The following TRAPPC8 variants were observed in gnomAD, a reference collection of about 807,000 sequenced individuals.
The protein encoded by TRAPPC8 is general sporulation gene 1 homolog.
Under a neutral mutation model 174.3 loss-of-function variants are expected in TRAPPC8, and 54 were observed. That is an observed-to-expected ratio of 0.31 (90% CI 0.25 to 0.39). The LOEUF is 0.39. TRAPPC8 is among the 10% of genes least tolerant of loss of function. The pLI, the probability that TRAPPC8 is intolerant of heterozygous loss-of-function variation, is 1.00. For synonymous variants in TRAPPC8, 630 were observed against 579.9 expected, an observed-to-expected ratio of 1.09 and a Z score of -1.24; for missense variants, 1,531 against 1,699.1, an observed-to-expected ratio of 0.90 and a Z score of 1.74.
At chr18:31,907,979 T>C (rs2036736462) in intron 8 of TRAPPC8, among the ~76,000 whole-genome samples, 1 of 152,230 alleles carries the variant, frequency 6.6e-6, no homozygotes, top group Non-Finnish European at 1.5e-5. Context: ...GCAAAATTTA[T>C]TAAATGTGTC....
chr18:31,913,307 A>G, intron 5 of TRAPPC8, 62 bp downstream of exon 5: 2 of 1,506,164 alleles, frequency 1.3e-6, no homozygotes, highest in Non-Finnish European at 1.8e-6. Flanking sequence ...TACTAGTTAA[A>G]CCAAAACGTA....
rs867106179 is a variant in TRAPPC8, at chr18:31,867,436, G to A, written c.2429C>T (p.Ser810Leu). 20 of 1,609,622 alleles carry A rather than the reference G, an allele frequency of 1.2e-5. No individual in the cohort carries two copies. The Middle Eastern group carries it at 2.2e-3, about 173-fold the overall frequency. The change falls in exon 17 of 29, where the codon TCA becomes TTA. Residue 810 changes from serine (S) to leucine (L), a missense_variant. Transcript: ENST00000283351. ...TTCTTCGCCATTAATTAAGAACTCT[G>A]AAATAACTTCAGCTCCAATCATTTC... ...EPEMIGAEVISEFLINGEESK... is the reference protein window; with the variant it reads ...EPEMIGAEVILEFLINGEESK...
intron 2 of TRAPPC8, among the ~76,000 whole-genome samples, chr18:31,920,413 T>C (rs1261353460): frequency 1.3e-5 from 2 of 152,224 alleles, no homozygotes; most frequent in African/African-American, 2.4e-5. Flanking sequence ...CTCATGAGAA[T>C]GACCCATATA....
intron 22 of TRAPPC8, chr18:31,852,875 A>T (rs1197219813): frequency 7.6e-6 from 4 of 522,990 alleles, no homozygotes; most frequent in Non-Finnish European, 1.0e-5. Context: ...ATGTGTGCAC[A>T]TGTATATATA....
intron 11 of TRAPPC8, among the ~76,000 whole-genome samples, chr18:31,894,471 A>G (rs2036102618): frequency 6.6e-6 from 1 of 151,416 alleles, no homozygotes; most frequent in African/African-American, 2.5e-5. Context: ...ATAAGAAACT[A>G]AGAAAAAAAA....
intron 12 of TRAPPC8, among the ~76,000 whole-genome samples, chr18:31,878,989 T>C (rs2035294056): frequency 6.6e-6 from 1 of 152,100 alleles, no homozygotes; most frequent in Non-Finnish European, 1.5e-5. Flanking sequence ...CAAATACTAC[T>C]AGACTGAAGA....
At chr18:31,928,236 C>G (rs1038568473) in intron 2 of TRAPPC8, among the ~76,000 whole-genome samples, 2 of 151,366 alleles carry the variant, frequency 1.3e-5, no homozygotes, top group Admixed American at 6.6e-5. Flanking sequence ...CAGTGGCTCA[C>G]AACTGTAATC....
intron 5 of TRAPPC8, among the ~76,000 whole-genome samples, chr18:31,912,978 A>T (rs1433540122): frequency 3.3e-5 from 5 of 151,878 alleles, no homozygotes; most frequent in Admixed American, 3.3e-4. Flanking sequence ...AAATACAAAA[A>T]TTTGCCTGGC....
chr18:31,850,118 A>C (rs1213969886), intron 24 of TRAPPC8, among the ~76,000 whole-genome samples: 1 of 152,064 alleles, frequency 6.6e-6, no homozygotes, highest in Non-Finnish European at 1.5e-5. Context: ...CTCCCGCCTA[A>C]TTTTTGTAGA....
intron 22 of TRAPPC8, chr18:31,852,928 T>G: frequency 2.6e-6 from 1 of 381,348 alleles, no homozygotes; most frequent in Non-Finnish European, 4.8e-6. Context: ...AACAGTAAGT[T>G]TGAAAGATCA....
At chr18:31,885,580 C>T (rs1185813558) in intron 12 of TRAPPC8, among the ~76,000 whole-genome samples, 4 of 151,756 alleles carry the variant, frequency 2.6e-5, no homozygotes, top group African/African-American at 4.8e-5. Flanking sequence ...AAATATGGGC[C>T]GGGCACGGTG....
chr18:31,902,441 C>G (rs572586064), intron 9 of TRAPPC8, among the ~76,000 whole-genome samples: 9 of 152,314 alleles, frequency 5.9e-5, no homozygotes, highest in Non-Finnish European at 1.3e-4. Context: ...CATCTTACCC[C>G]CAGTGTTCTC....
chr18:31,880,122 T>TATATATATATG (rs1491572903), intron 12 of TRAPPC8, among the ~76,000 whole-genome samples: 4 of 65,922 alleles, frequency 6.1e-5, no homozygotes, highest in Non-Finnish European at 1.2e-4. Context: ...TATATATATA[T>TATATATATATG]TTTTTTTTTT....
At chr18:31,878,827 C>T (rs1328596592) in intron 12 of TRAPPC8, among the ~76,000 whole-genome samples, 1 of 151,890 alleles carries the variant, frequency 6.6e-6, no homozygotes, top group Non-Finnish European at 1.5e-5. Context: ...GGTTGTTATT[C>T]TTGTTATCAA....
intron 9 of TRAPPC8, among the ~76,000 whole-genome samples, chr18:31,902,364 G>A (rs1356462048): frequency 6.6e-6 from 1 of 152,058 alleles, no homozygotes; most frequent in African/African-American, 2.4e-5. Context: ...CAACAACAAA[G>A]TATGCTGACC....
chr18:31,845,827 T>C (rs1313681011), intron 26 of TRAPPC8, among the ~76,000 whole-genome samples: 1 of 152,178 alleles, frequency 6.6e-6, no homozygotes, highest in East Asian at 1.9e-4. Context: ...AATTAAGATC[T>C]GTTATTTAAA....
intron 4 of TRAPPC8, among the ~76,000 whole-genome samples, chr18:31,914,159 AC>A (rs377150345): frequency 1.3e-5 from 2 of 149,874 alleles, no homozygotes; most frequent in Admixed American, 6.6e-5. Flanking sequence ...AGGAGGAAAA[AC>A]AAGAAAAAAA....
chr18:31,858,058 CTTT>C (rs34631623), intron 19 of TRAPPC8, 76 bp from the exon 20 acceptor site: 649 of 974,804 alleles, frequency 6.7e-4, no homozygotes, highest in South Asian at 2.2e-3. Context: ...CTTTAAGACA[CTTT>C]TTTTTTTTTT....
Position 31,917,589 on chromosome 18 carries a change from T to C in TRAPPC8, c.431A>G (p.His144Arg), listed in dbSNP as rs2037202338. Reference sequence around the variant, plus strand: ...ATGTCAAAGGATACATGCTAAATAGTGGTTCAGAAATTCATGATCCAATGC... The same window carrying C: ...ATGTCAAAGGATACATGCTAAATAGCGGTTCAGAAATTCATGATCCAATGC... ...MPALDHEFLN[H>R]YLACMLVASS... The change falls in exon 3 of 29, where the codon CAC (histidine) becomes CGC (arginine). Residue 144 changes from histidine to arginine, a missense_variant. By Grantham distance (29) the His-to-Arg change is conservative (BLOSUM62 0). Coordinates refer to ENST00000283351, the MANE Select transcript of TRAPPC8 (RefSeq NM_014939.5). The C allele has an allele frequency of 1.2e-6, 2 of 1,612,186 alleles. No homozygotes were observed. Among genetic ancestry groups the C allele is most frequent in the African/African-American group, 1.3e-5 (1 of 74,920 alleles).
Sources: allele counts gnomAD v4.1 joint callset (sites outside exome capture counted in the v4.1 genomes callset), GRCh38; gene constraint gnomAD v4.1.1; transcripts MANE v1.5; gene names NCBI Gene and HGNC (gene_info 2026-07-23, HGNC 2026-07-21).